The following GNG4 variants were observed in gnomAD, a reference collection of about 807,000 sequenced individuals.
The protein encoded by GNG4 is G protein subunit gamma 4.
GNG4 carries 4 observed loss-of-function variants against 5.8 expected under a neutral mutation model. That is an observed-to-expected ratio of 0.69 (90% CI 0.34 to 1.57). The LOEUF is 1.57. Among genes scored for constraint, GNG4 ranks in the 40% most tolerant of loss-of-function variants. The pLI is 0.06. For synonymous variants in GNG4, 29 were observed against 32.9 expected (o/e 0.88, Z 0.41); for missense variants, 96 against 95.1 (o/e 1.01, Z -0.04).
chr1:235,632,630 T>G (rs1688956145), intron 1 of GNG4, among the ~76,000 whole-genome samples: 1 of 152,198 alleles, frequency 6.6e-6, no homozygotes, highest in Non-Finnish European at 1.5e-5. Flanking sequence ...TTTTTTCTCT[T>G]TGTGTTTTAG....
intron 1 of GNG4, among the ~76,000 whole-genome samples, chr1:235,629,954 T>G (rs748448223): frequency 3.9e-5 from 6 of 152,260 alleles, no homozygotes; most frequent in Non-Finnish European, 5.9e-5. Context: ...CCTTCATTTC[T>G]ATGACACTTC....
intron 1 of GNG4, among the ~76,000 whole-genome samples, chr1:235,619,995 C>T (rs891632703): frequency 1.3e-5 from 2 of 152,152 alleles, no homozygotes; most frequent in African/African-American, 4.8e-5. Context: ...TAATAGGGTG[C>T]TTTCTCTTTT....
At chr1:235,581,501 C>T (rs964565853) in intron 3 of GNG4, among the ~76,000 whole-genome samples, 6 of 151,184 alleles carry the variant, frequency 4.0e-5, no homozygotes, top group Non-Finnish European at 8.8e-5. Context: ...GGCGACAGAG[C>T]GAGACTCCGT....
At chr1:235,620,238 G>C (rs553331257) in intron 1 of GNG4, among the ~76,000 whole-genome samples, 2 of 152,128 alleles carry the variant, frequency 1.3e-5, no homozygotes, top group East Asian at 3.9e-4. Context: ...GTTGGTGCAC[G>C]TCTGTAATCC....
At chr1:235,559,169 T>G (rs1202156744) in intron 3 of GNG4, among the ~76,000 whole-genome samples, 4 of 152,190 alleles carry the variant, frequency 2.6e-5, no homozygotes, top group Non-Finnish European at 5.9e-5. Flanking sequence ...AAAAGCATCT[T>G]GGTTGGCTTT....
At chr1:235,632,346 C>T (rs917076596) in intron 1 of GNG4, among the ~76,000 whole-genome samples, 2 of 152,150 alleles carry the variant, frequency 1.3e-5, no homozygotes, top group African/African-American at 4.8e-5. Flanking sequence ...CCTGGCCTCC[C>T]AAAGTGCTGG....
chr1:235,612,065 C>CAA (rs68070269), intron 1 of GNG4, among the ~76,000 whole-genome samples: 3 of 93,488 alleles, frequency 3.2e-5, no homozygotes, highest in Admixed American at 1.5e-4. Flanking sequence ...CTTTGTCTCA[C>CAA]AAAAAAAAAA....
intron 3 of GNG4, among the ~76,000 whole-genome samples, chr1:235,579,002 CAGA>C (rs1325161812): frequency 2.7e-5 from 4 of 150,306 alleles, no homozygotes; most frequent in Non-Finnish European, 5.9e-5. Flanking sequence ...GAGGCTGAGG[CAGA>C]AGAATTGCTT....
chr1:235,603,791 C>T (rs1363546122), intron 1 of GNG4, among the ~76,000 whole-genome samples: 6 of 152,126 alleles, frequency 3.9e-5, no homozygotes, highest in African/African-American at 7.2e-5. Flanking sequence ...GAAGAGCACG[C>T]GGGGTCCGAA....
chr1:235,578,247 A>G (rs922525116), intron 3 of GNG4, among the ~76,000 whole-genome samples: 1 of 152,178 alleles, frequency 6.6e-6, no homozygotes, highest in African/African-American at 2.4e-5. Flanking sequence ...CAAACCTGTT[A>G]GGATGGCAAT....
intron 2 of GNG4, among the ~76,000 whole-genome samples, chr1:235,589,311 G>A (rs778742010): frequency 1.4e-4 from 21 of 152,130 alleles, no homozygotes; most frequent in Non-Finnish European, 2.6e-4. Context: ...AGTTCAGCTC[G>A]TGCCCAGAGA....
In GNG4 at chr1:235,585,745, C is replaced by T. The variant is rs147260538; in HGVS notation, c.-10-1897G>A. 8.1e-4 allele frequency among the ~76,000 whole-genome samples: 124 copies of T among 152,232 alleles called. 1 individual carries two copies. Among genetic ancestry groups the T allele is most frequent in the African/African-American group, 2.7e-3 (114 of 41,534 alleles). ...ATTGTGGGGGTGTGTCTTCAAGGTA[C>T]ATTTCTGGAATTACTGGGTCAAAGG... On this transcript the variant is annotated intron_variant, in intron 2 of 3. Transcript: ENST00000391854.
chr1:235,596,995 A>G (rs1457076592), intron 1 of GNG4, among the ~76,000 whole-genome samples: 1 of 152,056 alleles, frequency 6.6e-6, no homozygotes, highest in African/African-American at 2.4e-5. Context: ...ACGGCCTCCC[A>G]AAGTGCTGGG....
At chr1:235,556,422 G>C (rs1031605308) in intron 3 of GNG4, among the ~76,000 whole-genome samples, 2 of 151,880 alleles carry the variant, frequency 1.3e-5, no homozygotes, top group African/African-American at 4.8e-5. Context: ...GCTGGGCGTG[G>C]TGGCCCATGC....
intron 1 of GNG4, among the ~76,000 whole-genome samples, chr1:235,626,976 A>ACTTAG (rs1688828137): frequency 1.7e-5 from 1 of 58,416 alleles, no homozygotes; most frequent in Admixed American, 1.8e-4. Flanking sequence ...AAAAAAAAAA[A>ACTTAG]AAAAAAAAAA....
chr1:235,589,114 G>A (rs999204751), intron 2 of GNG4, among the ~76,000 whole-genome samples: 17 of 152,256 alleles, frequency 1.1e-4, no homozygotes, highest in African/African-American at 2.7e-4. Context: ...GAGCGCAGGC[G>A]TATAACTCCA....
chr1:235,571,199 G>C (rs1280906080), intron 3 of GNG4, among the ~76,000 whole-genome samples: 1 of 152,100 alleles, frequency 6.6e-6, no homozygotes, highest in Non-Finnish European at 1.5e-5. Context: ...TTTAACCCCA[G>C]TAACAGTCAA....
At chr1:235,554,039 G>A (rs1474549697) in intron 3 of GNG4, among the ~76,000 whole-genome samples, 14 of 152,178 alleles carry the variant, frequency 9.2e-5, no homozygotes, top group Admixed American at 9.2e-4. Context: ...AGATGGGTGA[G>A]GCTCAGGGGA....
chr1:235,588,383 C>T (rs1008488193), intron 2 of GNG4, among the ~76,000 whole-genome samples: 1 of 152,094 alleles, frequency 6.6e-6, no homozygotes, highest in African/African-American at 2.4e-5. Context: ...CTGTGCTCTC[C>T]GACCCCAGCT....
Sources: gnomAD v4.1 joint callset for allele counts (sites outside exome capture counted in the v4.1 genomes callset) on GRCh38, gnomAD v4.1.1 for gene constraint, MANE v1.5 for transcripts, NCBI Gene and HGNC (gene_info 2026-07-23, HGNC 2026-07-21) for gene names.